CCDC178: variants seen among roughly 807,000 people sequenced by gnomAD.
CCDC178 encodes coiled-coil domain-containing protein 178.
A neutral mutation model predicts 117.4 loss-of-function variants in CCDC178; 126 were observed. The ratio of observed to expected loss-of-function variants is 1.07; its 90% CI spans 0.93 to 1.24. The LOEUF (loss-of-function observed/expected upper bound fraction) is 1.24, where lower values mean the gene tolerates loss of function less well. Among genes scored for constraint, CCDC178 ranks in the 50% most tolerant of loss-of-function variants. The pLI is 0.00. For synonymous variants in CCDC178, 283 were observed against 313.4 expected (o/e 0.90, Z 1.02); for missense variants, 1,030 against 986.9 (o/e 1.04, Z -0.59).
At chr18:33,260,423 T>A (rs1399699094) in intron 14 of CCDC178, among the ~76,000 whole-genome samples, 1 of 151,030 alleles carries the variant, frequency 6.6e-6, no homozygotes, top group African/African-American at 2.4e-5. Context: ...TTTCTATAAT[T>A]TTTAATTATT....
At chr18:33,435,582 G>A (rs902889524) in intron 2 of CCDC178, among the ~76,000 whole-genome samples, 1 of 148,722 alleles carries the variant, frequency 6.7e-6, no homozygotes, top group Non-Finnish European at 1.5e-5. Flanking sequence ...CAGAGAGAGA[G>A]AGGCAAGTGC....
intron 21 of CCDC178, among the ~76,000 whole-genome samples, chr18:33,038,936 C>CA (rs1452134002): frequency 6.6e-6 from 1 of 151,850 alleles, no homozygotes; most frequent in African/African-American, 2.4e-5. Context: ...ATCAAAAACA[C>CA]AAAAAGGCAA....
At chr18:33,081,559 T>A (rs1292545414) in intron 21 of CCDC178, among the ~76,000 whole-genome samples, 1 of 152,224 alleles carries the variant, frequency 6.6e-6, no homozygotes, top group Non-Finnish European at 1.5e-5. Context: ...TTTCTGCTTT[T>A]ACAGATAACA....
At chr18:33,398,031 C>T (rs1232290605) in intron 3 of CCDC178, among the ~76,000 whole-genome samples, 1 of 151,704 alleles carries the variant, frequency 6.6e-6, no homozygotes, top group Admixed American at 6.6e-5. Flanking sequence ...AATATGAGGC[C>T]TACTTTATTT....
At chr18:33,323,067 T>A (rs1428779842) in intron 11 of CCDC178, 1 of 151,658 alleles carries the variant, frequency 6.6e-6, no homozygotes, top group African/African-American at 2.4e-5. Flanking sequence ...TTAAATATTT[T>A]ATTTCATTCG....
At chr18:33,123,697 C>T (rs899956324) in intron 20 of CCDC178, among the ~76,000 whole-genome samples, 3 of 152,014 alleles carry the variant, frequency 2.0e-5, no homozygotes, top group African/African-American at 4.8e-5. Flanking sequence ...TGTCAGCAAT[C>T]GTTGTGTATA....
chr18:33,029,767 G>A (rs2056300124), intron 21 of CCDC178, among the ~76,000 whole-genome samples: 1 of 151,748 alleles, frequency 6.6e-6, no homozygotes, highest in South Asian at 2.1e-4. Context: ...TTTCAGGAGT[G>A]TATTTAATTT....
At chr18:33,426,300 G>C (rs2064124419) in intron 2 of CCDC178, among the ~76,000 whole-genome samples, 1 of 152,130 alleles carries the variant, frequency 6.6e-6, no homozygotes, top group Non-Finnish European at 1.5e-5. Context: ...AGTAACATTA[G>C]CTTGTAGCTT....
intron 21 of CCDC178, among the ~76,000 whole-genome samples, chr18:33,087,510 AGTGT>A (rs761523932): frequency 6.7e-6 from 1 of 148,824 alleles, no homozygotes; most frequent in Non-Finnish European, 1.5e-5. Context: ...CTTTAGAACA[AGTGT>A]GTGTGTGTGT....
chr18:33,220,425 C>A (rs966199885), intron 18 of CCDC178, among the ~76,000 whole-genome samples: 7 of 151,956 alleles, frequency 4.6e-5, no homozygotes, highest in African/African-American at 1.7e-4. Flanking sequence ...GACTCCAAAG[C>A]CTTTACTATT....
chr18:33,351,554 ATT>A (rs2062980675), intron 7 of CCDC178, among the ~76,000 whole-genome samples: 1 of 151,566 alleles, frequency 6.6e-6, no homozygotes, highest in South Asian at 2.1e-4. Context: ...GGATTTTGTC[ATT>A]TTTTGTTTGT....
chr18:33,397,029 A>G, intron 4 of CCDC178, 120 bp downstream of exon 4: 1 of 655,210 alleles, frequency 1.5e-6, no homozygotes, highest in East Asian at 2.7e-5. Flanking sequence ...CATTGATAGA[A>G]CATCAATTAG....
At chr18:33,036,311 A>G (rs1331056482) in intron 21 of CCDC178, among the ~76,000 whole-genome samples, 2 of 151,872 alleles carry the variant, frequency 1.3e-5, no homozygotes, top group African/African-American at 4.8e-5. Flanking sequence ...TTTATTATAT[A>G]TTTAATTAAT....
chr18:33,166,419 G>C (rs1263165371), intron 20 of CCDC178, among the ~76,000 whole-genome samples: 1 of 152,020 alleles, frequency 6.6e-6, no homozygotes, highest in Non-Finnish European at 1.5e-5. Context: ...TAGAAACTTA[G>C]AGAAAAGGAA....
intron 20 of CCDC178, among the ~76,000 whole-genome samples, chr18:33,186,807 C>G (rs72947150): frequency 0.051 from 7,736 of 151,982 alleles, 301 homozygotes; most frequent in East Asian, 0.11. Flanking sequence ...TTAGAAGTGA[C>G]CAATACGTTA....
chr18:33,180,466 T>C (rs2058721444), intron 20 of CCDC178, among the ~76,000 whole-genome samples: 1 of 151,922 alleles, frequency 6.6e-6, no homozygotes, highest in African/African-American at 2.4e-5. Context: ...AATTATAAAA[T>C]ATAATCCAAT....
chr18:33,171,589 TAG>T (rs770727904), intron 20 of CCDC178, among the ~76,000 whole-genome samples: 46 of 152,220 alleles, frequency 3.0e-4, no homozygotes, highest in Admixed American at 2.6e-3. Context: ...ATCGTAGCTA[TAG>T]AGAGTGTGTT....
chr18:33,302,756 CAG>C (rs1382814911), intron 11 of CCDC178, among the ~76,000 whole-genome samples: 3 of 152,048 alleles, frequency 2.0e-5, no homozygotes, highest in Admixed American at 1.3e-4. Context: ...AAGACAGTAA[CAG>C]AAAGTTCAAA....
chr18:32,938,748 G>A (rs1186158581), intron 22 of CCDC178, among the ~76,000 whole-genome samples: 1 of 152,038 alleles, frequency 6.6e-6, no homozygotes, highest in Non-Finnish European at 1.5e-5. Flanking sequence ...ATGTAAACAA[G>A]GGCAAAGGCA....
Sources: allele counts gnomAD v4.1 joint callset (sites outside exome capture counted in the v4.1 genomes callset), GRCh38; gene constraint gnomAD v4.1.1; transcripts MANE v1.5; gene names NCBI Gene and HGNC (gene_info 2026-07-23, HGNC 2026-07-21).